Variants in OTUD7A observed in about 807,000 individuals in gnomAD.
OTUD7A encodes OTU deubiquitinase 7A.
In OTUD7A, 12 loss-of-function variants were observed where a neutral mutation model predicts 65.7. The ratio of observed to expected loss-of-function variants is 0.18; its 90% CI spans 0.12 to 0.30. OTUD7A has a LOEUF of 0.30. OTUD7A is among the 10% of genes least tolerant of loss of function. The probability of loss-of-function intolerance (pLI) is 1.00; values close to 1 mark genes in which losing one functional copy is unlikely to be tolerated. For missense variants in OTUD7A, 1,148 were observed against 1,304.8 expected (o/e 0.88, Z 1.85); for synonymous variants, 641 against 586.3 (o/e 1.09, Z -1.35).
At chr15:31,760,295 T>C (rs1894925938) in intron 1 of OTUD7A, among the ~76,000 whole-genome samples, 1 of 152,166 alleles carries the variant, frequency 6.6e-6, no homozygotes, top group African/African-American at 2.4e-5. Context: ...TTTCCACTGT[T>C]TCATCACTTC....
At chr15:31,756,442 C>G (rs1216416353) in intron 1 of OTUD7A, among the ~76,000 whole-genome samples, 1 of 152,144 alleles carries the variant, frequency 6.6e-6, no homozygotes, top group East Asian at 1.9e-4. Context: ...CCACTGTGGT[C>G]CCAGAGAAGG....
intron 3 of OTUD7A, among the ~76,000 whole-genome samples, chr15:31,578,362 T>G (rs1373005171): frequency 6.6e-6 from 1 of 152,252 alleles, no homozygotes; most frequent in Non-Finnish European, 1.5e-5. Context: ...ATCTATTCTC[T>G]CTGAAGCCTG....
In OTUD7A at chr15:31,527,286, C is replaced by A. The variant is rs142018701; in HGVS notation, c.675G>T (p.Arg225=). The A allele has an allele frequency of 5.0e-6, 8 of 1,614,112 alleles. No individual in the cohort carries two copies. Among genetic ancestry groups the A allele is most frequent in the Admixed American group, 1.7e-5 (1 of 60,012 alleles). ...AGAGAGCTTTCCGTAACACCAGGTC[C>A]CGGTCGTGAAACCCCCACATTCCTG... is the stretch of plus-strand genomic sequence containing the variant. ...ASLGMWGFHD[R]DLVLRKALYT... Residue 225 remains arginine (R), a synonymous_variant, in exon 7 of 13, where the codon CGG becomes CGT. Coordinates refer to ENST00000307050, the MANE Select transcript of OTUD7A (RefSeq NM_001382637.1).
intron 3 of OTUD7A, among the ~76,000 whole-genome samples, chr15:31,645,951 T>C (rs1437607440): frequency 6.6e-6 from 1 of 152,220 alleles, no homozygotes; most frequent in Non-Finnish European, 1.5e-5. Context: ...TGCTTGGAGA[T>C]TGGAAACATG....
intron 1 of OTUD7A, chr15:31,767,823 A>C (rs186798794): frequency 6.1e-5 from 52 of 848,286 alleles, no homozygotes; most frequent in Admixed American, 2.5e-4. Context: ...TCTTTGGAAA[A>C]GTTCTCTATG....
chr15:31,535,882 G>A (rs1408132360), intron 5 of OTUD7A, among the ~76,000 whole-genome samples: 10 of 151,746 alleles, frequency 6.6e-5, no homozygotes, highest in East Asian at 1.9e-4. Flanking sequence ...GGGTTTCACC[G>A]TGTTAGCCAG....
chr15:31,728,214 G>A (rs1486749850), intron 1 of OTUD7A, among the ~76,000 whole-genome samples: 4 of 152,088 alleles, frequency 2.6e-5, no homozygotes, highest in African/African-American at 7.2e-5. Flanking sequence ...CCAGTATCCC[G>A]GGAGCCATTC....
intron 1 of OTUD7A, among the ~76,000 whole-genome samples, chr15:31,821,927 G>C (rs141828434): frequency 9.2e-4 from 140 of 152,248 alleles, no homozygotes; most frequent in Middle Eastern, 3.4e-3. Context: ...AGAAAGGTCT[G>C]GTCAAGTGTC....
At chr15:31,768,202 AG>A in intron 1 of OTUD7A, 1 of 1,137,492 alleles carries the variant, frequency 8.8e-7, no homozygotes, top group Non-Finnish European at 1.3e-6. Flanking sequence ...GACTCTCCAC[AG>A]GTCTGTCAGC....
intron 1 of OTUD7A, among the ~76,000 whole-genome samples, chr15:31,780,352 TA>T (rs1189528776): frequency 6.6e-6 from 1 of 152,158 alleles, no homozygotes; most frequent in Non-Finnish European, 1.5e-5. Context: ...TTTTGGAAAT[TA>T]AGAGGAGAAA....
intron 1 of OTUD7A, among the ~76,000 whole-genome samples, chr15:31,818,501 G>A (rs745399175): frequency 6.6e-5 from 10 of 152,186 alleles, no homozygotes; most frequent in African/African-American, 2.4e-4. Flanking sequence ...GGAGACAGCG[G>A]CCTCCCTGTC....
intron 1 of OTUD7A, among the ~76,000 whole-genome samples, chr15:31,686,827 C>T (rs1310153156): frequency 3.3e-5 from 5 of 152,148 alleles, no homozygotes; most frequent in Non-Finnish European, 7.4e-5. Flanking sequence ...GGACACAGAG[C>T]GGTCTTCTCT....
chr15:31,511,039 TAC>T (rs374828931), intron 8 of OTUD7A, among the ~76,000 whole-genome samples: 2 of 25,616 alleles, frequency 7.8e-5, no homozygotes, highest in South Asian at 6.4e-4. Flanking sequence ...ATATGTAACA[TAC>T]ATGTATATCT....
At chr15:31,655,527 T>C (rs571442832) in intron 2 of OTUD7A, among the ~76,000 whole-genome samples, 2 of 151,862 alleles carry the variant, frequency 1.3e-5, no homozygotes, top group Admixed American at 1.3e-4. Flanking sequence ...AATTCATATG[T>C]TGATATCTAA....
At chr15:31,781,202 G>T (rs959225923) in intron 1 of OTUD7A, among the ~76,000 whole-genome samples, 4 of 152,172 alleles carry the variant, frequency 2.6e-5, no homozygotes, top group Non-Finnish European at 4.4e-5. Flanking sequence ...GACTGCTAAG[G>T]ATGGGTGATG....
chr15:31,820,182 G>A (rs1303771436), intron 1 of OTUD7A, among the ~76,000 whole-genome samples: 3 of 152,186 alleles, frequency 2.0e-5, no homozygotes, highest in African/African-American at 7.2e-5. Context: ...TATCTTGCAA[G>A]CAGGCAATGG....
chr15:31,686,559 T>C (rs758457723), intron 1 of OTUD7A, among the ~76,000 whole-genome samples: 9 of 152,168 alleles, frequency 5.9e-5, no homozygotes, highest in Non-Finnish European at 1.2e-4. Context: ...CACAGTCCCA[T>C]CTCCAAGGAG....
intron 8 of OTUD7A, among the ~76,000 whole-genome samples, chr15:31,522,803 A>T (rs941768384): frequency 2.6e-5 from 4 of 152,022 alleles, no homozygotes; most frequent in African/African-American, 9.7e-5. Flanking sequence ...TCACACCCAC[A>T]CCTGGTCTCT....
chr15:31,744,208 A>C (rs1894416119), intron 1 of OTUD7A, among the ~76,000 whole-genome samples: 1 of 152,198 alleles, frequency 6.6e-6, no homozygotes, highest in South Asian at 2.1e-4. Context: ...AATAATAGTA[A>C]TTTTATACAA....
Sources: gnomAD v4.1 joint callset for allele counts (sites outside exome capture counted in the v4.1 genomes callset) on GRCh38, gnomAD v4.1.1 for gene constraint, MANE v1.5 for transcripts, NCBI Gene and HGNC (gene_info 2026-07-23, HGNC 2026-07-21) for gene names.